CDYL2: variants seen among roughly 807,000 people sequenced by gnomAD.
The protein encoded by CDYL2 is chromodomain Y like 2, also known as chromodomain Y-like protein 2.
Under a neutral mutation model 49.4 loss-of-function variants are expected in CDYL2, and 23 were observed. The ratio of observed to expected loss-of-function variants is 0.47; its 90% CI spans 0.34 to 0.66. The LOEUF (loss-of-function observed/expected upper bound fraction) is 0.66. Among genes scored for constraint, CDYL2 ranks in the 30% least tolerant of loss-of-function variants. The pLI is 0.01. For synonymous variants in CDYL2, 360 were observed against 268.8 expected, an observed-to-expected ratio of 1.34 and a Z score of -3.32; for missense variants, 678 against 656.4, an observed-to-expected ratio of 1.03 and a Z score of -0.36.
intron 1 of CDYL2, among the ~76,000 whole-genome samples, chr16:80,789,215 G>A (rs1370621008): frequency 6.6e-6 from 1 of 152,102 alleles, no homozygotes; most frequent in Non-Finnish European, 1.5e-5. Context: ...ACAGTATAGA[G>A]GTATCTCAAA....
At chr16:80,764,098 A>G (rs538128915) in intron 1 of CDYL2, among the ~76,000 whole-genome samples, 1 of 152,370 alleles carries the variant, frequency 6.6e-6, no homozygotes, top group African/African-American at 2.4e-5. Flanking sequence ...TTAATATGTT[A>G]AAAGACAACA....
At chr16:80,765,934 AC>A (rs1481693092) in intron 1 of CDYL2, among the ~76,000 whole-genome samples, 3 of 150,162 alleles carry the variant, frequency 2.0e-5, no homozygotes, top group Admixed American at 1.3e-4. Context: ...ACATGGATGA[AC>A]CTTGAAAACA....
intron 1 of CDYL2, among the ~76,000 whole-genome samples, chr16:80,711,488 G>A (rs1904594813): frequency 1.3e-5 from 2 of 152,138 alleles, no homozygotes; most frequent in African/African-American, 2.4e-5. Flanking sequence ...TAAAAGAGTT[G>A]ACATTTCCCA....
At chr16:80,677,384 G>A (rs766742939) in intron 2 of CDYL2, among the ~76,000 whole-genome samples, 3 of 152,288 alleles carry the variant, frequency 2.0e-5, no homozygotes, top group Non-Finnish European at 2.9e-5. Context: ...TTCAGATTGA[G>A]TGGCATGGAG....
rs10673992 is a variant in CDYL2, at chr16:80,709,561, GACACACACACACACACAC to G, written c.25-24450_25-24433del. Among the ~76,000 whole-genome samples the G allele has an allele frequency of 5.7e-3, 824 of 143,754 alleles. 8 individuals carry two copies. Among genetic ancestry groups the G allele is most frequent in the African/African-American group, 0.019 (749 of 39,046 alleles). 94.3% of individuals were successfully genotyped at this position (143,754 alleles called of 152,430 possible). ...AAACTGAGCCATGCAGGAATAAACA[GACACACACACACACACAC>G]ACACACACACACACACTTCCTCAAA... On this transcript the variant is annotated intron_variant, in intron 1 of 6. Transcript: ENST00000570137.
In CDYL2 at chr16:80,684,928, T is replaced by C. The variant is rs1465208694; in HGVS notation, c.226A>G (p.Lys76Glu). 2 of 1,613,738 alleles carry C rather than the reference T, an allele frequency of 1.2e-6. No homozygotes were observed. Among genetic ancestry groups the C allele is most frequent in the South Asian group, 2.2e-5 (2 of 91,080 alleles). ...GGGCCTCGACTGTCACGCAGCAGCTTGGAGGTACTGGACTGCTTCCCTGAC... is the reference window on the plus strand; with the variant it reads ...GGGCCTCGACTGTCACGCAGCAGCTCGGAGGTACTGGACTGCTTCCCTGAC... ...IKSGKQSSTS[K>E]LLRDSRGPSV... is the part of the protein sequence containing the mutation. The change falls in exon 2 of 7, where the codon AAG becomes GAG. Residue 76 changes from lysine (K) to glutamate (E), a missense_variant. By Grantham distance (56) the Lys-to-Glu change is moderately conservative. This residue lies in a region of CDYL2 where 478 missense variants were observed against 427.0 expected (regional missense o/e 1.12). Coordinates refer to ENST00000570137, the MANE Select transcript of CDYL2 (RefSeq NM_152342.4).
chr16:80,787,173 G>GTCATGT (rs1907464725), intron 1 of CDYL2, among the ~76,000 whole-genome samples: 2 of 152,110 alleles, frequency 1.3e-5, no homozygotes, highest in African/African-American at 4.8e-5. Flanking sequence ...AGGATATGCC[G>GTCATGT]GGAGTCTAGT....
At chr16:80,671,047 C>T (rs1909482136) in intron 2 of CDYL2, 1 of 454,742 alleles carries the variant, frequency 2.2e-6, no homozygotes, top group Non-Finnish European at 4.4e-6. Context: ...TCTATGGCAT[C>T]CCTGACCCCA....
At chr16:80,693,596 T>A (rs1002785167) in intron 1 of CDYL2, among the ~76,000 whole-genome samples, 1 of 152,056 alleles carries the variant, frequency 6.6e-6, no homozygotes, top group African/African-American at 2.4e-5. Context: ...AGAATACCAC[T>A]CAGAAATTAA....
chr16:80,641,940 A>G (rs75362069), intron 2 of CDYL2, among the ~76,000 whole-genome samples: 6,165 of 152,182 alleles, frequency 0.041, 432 homozygotes, highest in African/African-American at 0.14. Flanking sequence ...ATCTGAAGGC[A>G]TAAAACCCAG....
intron 4 of CDYL2, among the ~76,000 whole-genome samples, chr16:80,618,752 G>C (rs1456379190): frequency 7.9e-5 from 12 of 152,220 alleles, no homozygotes; most frequent in Non-Finnish European, 1.3e-4. Flanking sequence ...AGGATAATCT[G>C]TTAACAGACC....
At chr16:80,702,392 G>A (rs1397878202) in intron 1 of CDYL2, among the ~76,000 whole-genome samples, 2 of 152,054 alleles carry the variant, frequency 1.3e-5, no homozygotes, top group Admixed American at 6.6e-5. Context: ...AAAAAATTAA[G>A]TGGCATGAAG....
intron 2 of CDYL2, among the ~76,000 whole-genome samples, chr16:80,674,764 T>C (rs1909673370): frequency 6.6e-6 from 1 of 152,268 alleles, no homozygotes; most frequent in African/African-American, 2.4e-5. Flanking sequence ...TATTCATTGC[T>C]CTTTATGACT....
At chr16:80,695,530 A>C (rs540687708) in intron 1 of CDYL2, among the ~76,000 whole-genome samples, 132 of 152,346 alleles carry the variant, frequency 8.7e-4, no homozygotes, top group Middle Eastern at 3.4e-3. Context: ...TAAAGACACA[A>C]ACAGATTGAA....
intron 6 of CDYL2, 106 bp from the exon 7 acceptor site, chr16:80,604,652 G>C: frequency 8.3e-7 from 1 of 1,212,004 alleles, no homozygotes; most frequent in Non-Finnish European, 1.2e-6. Flanking sequence ...CTCACAGCCA[G>C]AGAAGGCTGC....
At chr16:80,645,909 C>T (rs1597146054) in intron 2 of CDYL2, among the ~76,000 whole-genome samples, 1 of 146,586 alleles carries the variant, frequency 6.8e-6, no homozygotes, top group East Asian at 2.1e-4. Context: ...ACCGCATGTT[C>T]TCACTCATAG....
chr16:80,765,728 C>CA (rs35740729), intron 1 of CDYL2, among the ~76,000 whole-genome samples: 2,218 of 53,122 alleles, frequency 0.042, 13 homozygotes, highest in East Asian at 0.051. Flanking sequence ...GTATTAATCG[C>CA]AAAAAAAAAA....
chr16:80,722,162 A>C (rs1905019736), intron 1 of CDYL2, among the ~76,000 whole-genome samples: 1 of 152,246 alleles, frequency 6.6e-6, no homozygotes, highest in African/African-American at 2.4e-5. Context: ...GCTGCAAAAT[A>C]GAATCACCCA....
intron 1 of CDYL2, among the ~76,000 whole-genome samples, chr16:80,697,550 T>C (rs529469302): frequency 2.0e-4 from 31 of 152,118 alleles, no homozygotes; most frequent in Non-Finnish European, 3.8e-4. Context: ...TTACTCAACA[T>C]AGTATTGGAA....
Sources: gnomAD v4.1 joint callset for allele counts (sites outside exome capture counted in the v4.1 genomes callset) on GRCh38, gnomAD v4.1.1 for gene constraint, gnomAD v4.1.1 regional missense constraint, MANE v1.5 for transcripts, NCBI Gene and HGNC (gene_info 2026-07-23, HGNC 2026-07-21) for gene names.